DMD: variants seen among roughly 807,000 people sequenced by gnomAD.
The protein encoded by DMD is dystrophin, also known as mutant dystrophin.
Under a neutral mutation model 330.1 loss-of-function variants are expected in DMD, and 63 were observed. The observed-to-expected ratio is 0.19, with a 90% confidence interval of 0.16 to 0.24. The LOEUF is 0.24. Ranked by LOEUF, DMD falls within the 10% of genes least tolerant of loss-of-function variation. The pLI, the probability that DMD is intolerant of heterozygous loss-of-function variation, is 1.00. For missense variants in DMD, 3,344 were observed against 2,684.1 expected (o/e 1.25, Z -5.43); for synonymous variants, 1,223 against 959.8 (o/e 1.27, Z -5.07).
chrX:33,023,094 G>A (rs1012842678), intron 1 of DMD, among the ~76,000 whole-genome samples: 5 of 111,295 alleles, frequency 4.5e-5, no homozygotes, highest in Admixed American at 9.5e-5. Flanking sequence ...TTCAATTTTC[G>A]TCTTATATAT....
intron 1 of DMD, among the ~76,000 whole-genome samples, chrX:33,152,810 C>T (rs560137257): frequency 9.0e-6 from 1 of 111,178 alleles, no homozygotes; most frequent in East Asian, 2.8e-4. Context: ...TATAATTCAC[C>T]AGAAAACCTA....
At chrX:31,425,239 A>T (rs1360105133) in intron 60 of DMD, among the ~76,000 whole-genome samples, 2 of 112,411 alleles carry the variant, frequency 1.8e-5, no homozygotes, top group African/African-American at 6.5e-5. Context: ...GTACATGCAT[A>T]CTGTGAGCTC....
chrX:32,193,703 TTTGACATCCCAAC>T (rs2096986151), intron 44 of DMD, among the ~76,000 whole-genome samples: 1 of 112,073 alleles, frequency 8.9e-6, no homozygotes, highest in African/African-American at 3.2e-5. Context: ...ATTTATTCAT[TTTGACATCCCAAC>T]TTGTTCTAGT....
chrX:31,979,034 T>G (rs958229427), intron 44 of DMD, among the ~76,000 whole-genome samples: 3 of 111,703 alleles, frequency 2.7e-5, no homozygotes, highest in Non-Finnish European at 5.7e-5. Context: ...TACATAATGG[T>G]TTTTCACAGT....
chrX:32,342,266 A>C lies in DMD; in HGVS notation c.5756T>G (p.Leu1919Trp). 1 of 1,211,425 alleles carries C rather than the reference A, an allele frequency of 8.3e-7. No homozygotes were observed. The highest frequency in any genetic ancestry group is 1.1e-6 in the Non-Finnish European group (1 of 895,462). The change falls in exon 41 of 79, where the codon TTG (leucine) becomes TGG (tryptophan). Residue 1919 changes from leucine (L) to tryptophan (W), a missense_variant. Coordinates refer to ENST00000357033, the MANE Select transcript of DMD (RefSeq NM_004006.3). Reference protein sequence around the residue: ...ERKIKEIDRELQKKKEELNAV... With the variant: ...ERKIKEIDREWQKKKEELNAV... Reference sequence around the variant, plus strand: ...ATTCAGCTCCTCTTTCTTCTTCTGCAATTCCCGATCAATTTCCTATTGAGC... The same window carrying C: ...ATTCAGCTCCTCTTTCTTCTTCTGCCATTCCCGATCAATTTCCTATTGAGC...
intron 21 of DMD, among the ~76,000 whole-genome samples, chrX:32,479,955 T>TA (rs926886471): frequency 9.0e-6 from 1 of 110,969 alleles, no homozygotes; most frequent in African/African-American, 3.3e-5. Context: ...AGGAAACTAT[T>TA]AACAGAGTGA....
intron 7 of DMD, among the ~76,000 whole-genome samples, chrX:32,760,641 C>A (rs2072152856): frequency 8.9e-6 from 1 of 111,752 alleles, no homozygotes; most frequent in Non-Finnish European, 1.9e-5. Flanking sequence ...ATTATGGTTG[C>A]AGGAGGGAAG....
chrX:31,430,959 T>A lies in DMD; in HGVS notation c.9084+13522A>T, dbSNP rs374853532. Among the ~76,000 whole-genome samples the A allele has an allele frequency of 5.6e-5, 6 of 107,909 alleles. No individual in the cohort carries two copies. The South Asian group carries it at 1.3e-3, about 23-fold the overall frequency. The allele number at this position is 107,909 out of a possible 115,157, so 93.7% of individuals were successfully genotyped here. On this transcript the variant is annotated intron_variant, in intron 60 of 78. Transcript: ENST00000357033. ...CTGGGACTACAGGCGCCTGCCACCA[T>A]GCCCGGCTAATGTTTTGTATTTCAG...
intron 16 of DMD, among the ~76,000 whole-genome samples, chrX:32,546,880 CA>C (rs1302120266): frequency 1.8e-5 from 2 of 111,506 alleles, no homozygotes; most frequent in African/African-American, 6.5e-5. Context: ...TCAAACATTG[CA>C]CCCAACACAA....
chrX:32,488,261 T>C (rs935274071), intron 20 of DMD, among the ~76,000 whole-genome samples: 14 of 111,892 alleles, frequency 1.3e-4, no homozygotes, highest in African/African-American at 4.5e-4. Context: ...CTCCAGAGTA[T>C]GGTATCTCCT....
intron 2 of DMD, among the ~76,000 whole-genome samples, chrX:32,897,399 T>C (rs1372109998): frequency 9.0e-6 from 1 of 111,466 alleles, no homozygotes. Flanking sequence ...GATTTTTATT[T>C]TCAGATAAAG....
intron 62 of DMD, among the ~76,000 whole-genome samples, chrX:31,303,571 T>C (rs1012105065): frequency 5.4e-5 from 6 of 111,624 alleles, no homozygotes; most frequent in African/African-American, 2.0e-4. Context: ...TAAAAATCTC[T>C]CAAATCTATG....
chrX:32,780,871 C>CA (rs899129991), intron 7 of DMD, among the ~76,000 whole-genome samples: 1 of 108,816 alleles, frequency 9.2e-6, no homozygotes, highest in African/African-American at 3.4e-5. Flanking sequence ...GCGGGCAGAT[C>CA]ACGAGGTCAG....
In DMD at chrX:32,309,500, C is replaced by T. The variant is rs773884162; in HGVS notation, c.6117+582G>A. Among the ~76,000 whole-genome samples, 3 of 111,016 alleles carry T rather than the reference C, an allele frequency of 2.7e-5. No individual in the cohort carries two copies. In the South Asian group the frequency reaches 1.1e-3, roughly 42 times the overall value. On this transcript the variant is annotated intron_variant, in intron 42 of 78. Coordinates refer to ENST00000357033, the MANE Select transcript of DMD (RefSeq NM_004006.3). The stretch of plus-strand genomic sequence containing the variant: ...TAGCCTATTTCATCATCATTATTTG[C>T]CTTACTTGAGAATTTAGTAACTTGC...
At chrX:33,209,033 T>C (rs2051742873) in intron 1 of DMD, among the ~76,000 whole-genome samples, 1 of 111,400 alleles carries the variant, frequency 9.0e-6, no homozygotes, top group Non-Finnish European at 1.9e-5. Context: ...ATGAATGCTA[T>C]AGGAATAAAG....
At chrX:32,230,102 A>G (rs996904477) in intron 43 of DMD, among the ~76,000 whole-genome samples, 2 of 111,287 alleles carry the variant, frequency 1.8e-5, no homozygotes, top group African/African-American at 6.5e-5. Context: ...TTTACCTCCT[A>G]TAACAGGTGC....
chrX:32,419,110 C>CTTTAAAAGT (rs1406608898), intron 29 of DMD, among the ~76,000 whole-genome samples: 1 of 109,815 alleles, frequency 9.1e-6, no homozygotes, highest in Non-Finnish European at 1.9e-5. Context: ...GTAATAGATC[C>CTTTAAAAGT]TTTAAAAGTT....
rs58097229 is a variant in DMD, at chrX:31,356,924, C to CTTTTTTTT, written c.9085-8298_9085-8291dup. 1.5e-4 allele frequency among the ~76,000 whole-genome samples: 11 copies of CTTTTTTTT among 74,292 alleles called. 4 individuals carry two copies. Among genetic ancestry groups the CTTTTTTTT allele is most frequent in the East Asian group, 4.0e-4 (1 of 2,527 alleles). The allele number at this position is 74,292 out of a possible 115,157, so 64.5% of individuals were successfully genotyped here. A position where few individuals can be genotyped will look rare whatever the true frequency, so the allele number is the denominator to read the frequency against. On this transcript the variant is annotated intron_variant, in intron 60 of 78. Coordinates refer to ENST00000357033, the MANE Select transcript of DMD (RefSeq NM_004006.3). Reference sequence around the variant, plus strand: ...AGATCATAGGAAGCATTTCTTCTGCCTTTTTTTTTTTTTTTTTTTTTGGTC... The same window carrying CTTTTTTTT: ...AGATCATAGGAAGCATTTCTTCTGCCTTTTTTTTTTTTTTTTTTTTTTTTTTTTTGGTC...
At chrX:32,097,758 G>A (rs1378727049) in intron 44 of DMD, among the ~76,000 whole-genome samples, 2 of 111,891 alleles carry the variant, frequency 1.8e-5, no homozygotes, top group Non-Finnish European at 3.8e-5. Flanking sequence ...TGTTAATGAA[G>A]TCTGTCACGT....
Sources: gnomAD v4.1 joint callset for allele counts (sites outside exome capture counted in the v4.1 genomes callset) on GRCh38, gnomAD v4.1.1 for gene constraint, MANE v1.5 for transcripts, NCBI Gene and HGNC (gene_info 2026-07-23, HGNC 2026-07-21) for gene names.